AGFG1: variants seen among roughly 807,000 people sequenced by gnomAD.
AGFG1 encodes ArfGAP with FG repeats 1.
In AGFG1, 10 loss-of-function variants were observed where a neutral mutation model predicts 60.6. The ratio of observed to expected loss-of-function variants is 0.16; its 90% CI spans 0.10 to 0.28. The LOEUF is 0.28. AGFG1 is among the 10% of genes least tolerant of loss of function. AGFG1 has a pLI of 1.00. For missense variants in AGFG1, 537 were observed against 676.5 expected, an observed-to-expected ratio of 0.79 and a Z score of 2.29; for synonymous variants, 247 against 242.9, an observed-to-expected ratio of 1.02 and a Z score of -0.16.
At chr2:227,502,266 T>A (rs1366161233) in intron 2 of AGFG1, among the ~76,000 whole-genome samples, 1 of 152,234 alleles carries the variant, frequency 6.6e-6, no homozygotes, top group Non-Finnish European at 1.5e-5. Context: ...TGTTCATTCT[T>A]CTTTGTCAGA....
chr2:227,476,056 C>T (rs1263600800), intron 1 of AGFG1, among the ~76,000 whole-genome samples: 1 of 152,024 alleles, frequency 6.6e-6, no homozygotes, highest in Admixed American at 6.6e-5. Flanking sequence ...TGGAGCTAAT[C>T]TTTCTTGTTT....
chr2:227,495,873 C>G (rs543164304), intron 2 of AGFG1, among the ~76,000 whole-genome samples: 2 of 151,730 alleles, frequency 1.3e-5, no homozygotes, highest in African/African-American at 2.4e-5. Context: ...GAGGCTGAGG[C>G]GAATGGATCA....
chr2:227,487,466 T>G (rs1690676701), intron 1 of AGFG1, among the ~76,000 whole-genome samples: 1 of 152,240 alleles, frequency 6.6e-6, no homozygotes, highest in Non-Finnish European at 1.5e-5. Flanking sequence ...AGCACAATTG[T>G]AAGTGCATAA....
chr2:227,479,663 C>A (rs989901983), intron 1 of AGFG1, among the ~76,000 whole-genome samples: 1 of 152,076 alleles, frequency 6.6e-6, no homozygotes, highest in African/African-American at 2.4e-5. Flanking sequence ...CTCATTTTTT[C>A]CCCCACTTGA....
intron 2 of AGFG1, among the ~76,000 whole-genome samples, chr2:227,517,131 C>T (rs1429511410): frequency 6.6e-6 from 1 of 152,194 alleles, no homozygotes; most frequent in Non-Finnish European, 1.5e-5. Context: ...GATGTCTGTA[C>T]TTCTCAGGCG....
At chr2:227,483,964 C>T (rs980425608) in intron 1 of AGFG1, among the ~76,000 whole-genome samples, 19 of 151,968 alleles carry the variant, frequency 1.3e-4, no homozygotes, top group African/African-American at 4.4e-4. Flanking sequence ...ATGTGCACAA[C>T]GTGCAGGTTT....
intron 6 of AGFG1, chr2:227,532,078 C>A: frequency 7.3e-7 from 1 of 1,364,282 alleles, no homozygotes; most frequent in South Asian, 1.4e-5. Flanking sequence ...CCTTTTCTTT[C>A]AATTTTCTTT....
intron 2 of AGFG1, among the ~76,000 whole-genome samples, chr2:227,518,885 A>G (rs1009580210): frequency 2.6e-5 from 4 of 152,202 alleles, no homozygotes; most frequent in East Asian, 3.9e-4. Flanking sequence ...GCTTTAAACA[A>G]GTGTTGGCTG....
chr2:227,493,339 G>T (rs960017447), intron 2 of AGFG1, among the ~76,000 whole-genome samples: 6 of 152,030 alleles, frequency 3.9e-5, no homozygotes. Flanking sequence ...TGCCCCTGTT[G>T]CCCCGATTCT....
chr2:227,518,590 C>G (rs1032829551), intron 2 of AGFG1, among the ~76,000 whole-genome samples: 1 of 136,922 alleles, frequency 7.3e-6, no homozygotes, highest in African/African-American at 2.8e-5. Flanking sequence ...ATGACATGAT[C>G]TTGGCTCACT....
At position 227,560,382 on chromosome 2, in the gene AGFG1, A is replaced by T. The variant is rs935666480; in HGVS notation, c.*5887A>T. On this transcript the variant is annotated 3_prime_UTR_variant, in exon 13 of 13. Coordinates refer to ENST00000310078, the MANE Select transcript of AGFG1 (RefSeq NM_004504.5). ...GAGGCTCACCAGCTGTGTAGGTATG[A>T]TCTTGTGCTTCCATTTAAGAAATTC... The T allele has an allele frequency of 1.3e-5, 2 of 151,988 alleles. No individual in the cohort carries two copies. Among genetic ancestry groups the T allele is most frequent in the Admixed American group, 1.3e-4 (2 of 15,250 alleles). The allele number at this position is 151,988 out of a possible 1,614,324, so 9.4% of individuals were successfully genotyped here.
Position 227,472,337 on chromosome 2 carries a change from C to G in AGFG1, c.-85C>G. On this transcript the variant is annotated 5_prime_UTR_variant, in exon 1 of 13. Transcript: ENST00000310078. ...GCAGACGGAGGGCGGCGGCCGCGGC[C>G]AGGGCGGCCCGTGGGACCGCGGGCC... 1.1e-6 allele frequency: 1 copy of G among 894,170 alleles called. No individual in the cohort carries two copies. Among genetic ancestry groups the G allele is most frequent in the Non-Finnish European group, 1.3e-6 (1 of 746,908 alleles). 55.4% of individuals were successfully genotyped at this position (894,170 alleles called of 1,614,324 possible).
intron 1 of AGFG1, among the ~76,000 whole-genome samples, chr2:227,485,271 G>A (rs548799536): frequency 1.5e-3 from 205 of 132,382 alleles, no homozygotes; most frequent in African/African-American, 5.5e-3. Context: ...TTGAGACAGA[G>A]TCTCGCTCAG....
At chr2:227,477,272 C>T (rs1394435554) in intron 1 of AGFG1, among the ~76,000 whole-genome samples, 3 of 151,892 alleles carry the variant, frequency 2.0e-5, no homozygotes, top group African/African-American at 7.3e-5. Context: ...CAGATACTAG[C>T]CCATGTGCTG....
chr2:227,475,428 T>C (rs1195068782), intron 1 of AGFG1, among the ~76,000 whole-genome samples: 1 of 152,186 alleles, frequency 6.6e-6, no homozygotes, highest in Non-Finnish European at 1.5e-5. Flanking sequence ...ATTCTTGGGA[T>C]GTAGGGAATG....
intron 10 of AGFG1, among the ~76,000 whole-genome samples, chr2:227,545,950 C>G (rs1405915151): frequency 6.6e-6 from 1 of 152,234 alleles, no homozygotes; most frequent in Non-Finnish European, 1.5e-5. Flanking sequence ...CAGGGACCCA[C>G]TTGAGGAGGC....
chr2:227,529,027 C>A (rs529648071), intron 5 of AGFG1, among the ~76,000 whole-genome samples: 1 of 152,230 alleles, frequency 6.6e-6, no homozygotes, highest in South Asian at 2.1e-4. Context: ...TTCTTAATTA[C>A]AAATGACTGC....
intron 10 of AGFG1, among the ~76,000 whole-genome samples, chr2:227,540,137 A>G (rs1692443121): frequency 6.6e-6 from 1 of 151,712 alleles, no homozygotes; most frequent in Admixed American, 6.6e-5. Context: ...CACTTGGATC[A>G]TTCTTAAAAT....
At chr2:227,521,728 A>T (rs1691831819) in intron 3 of AGFG1, among the ~76,000 whole-genome samples, 1 of 152,240 alleles carries the variant, frequency 6.6e-6, no homozygotes. Context: ...AGCTATCAAC[A>T]GAAAAGTGAG....
Sources: allele counts gnomAD v4.1 joint callset (sites outside exome capture counted in the v4.1 genomes callset), GRCh38; gene constraint gnomAD v4.1.1; transcripts MANE v1.5; gene names NCBI Gene and HGNC (gene_info 2026-07-23, HGNC 2026-07-21).